The following ARHGAP24 variants were observed in gnomAD, a reference collection of about 807,000 sequenced individuals.
ARHGAP24 encodes the protein rho GTPase-activating protein 24.
In ARHGAP24, 50 loss-of-function variants were observed where a neutral mutation model predicts 76.4. The ratio of observed to expected loss-of-function variants is 0.65; its 90% CI spans 0.52 to 0.83. ARHGAP24 has a LOEUF of 0.83. Ranked by LOEUF, ARHGAP24 falls within the 40% of genes least tolerant of loss-of-function variation. The pLI is 0.00. For synonymous variants in ARHGAP24, 345 were observed against 323.3 expected, an observed-to-expected ratio of 1.07 and a Z score of -0.72; for missense variants, 930 against 914.2, an observed-to-expected ratio of 1.02 and a Z score of -0.22.
chr4:85,876,502 C>T (rs1732945591), intron 3 of ARHGAP24, among the ~76,000 whole-genome samples: 1 of 152,170 alleles, frequency 6.6e-6, no homozygotes, highest in South Asian at 2.1e-4. Flanking sequence ...TCTCTGCTCT[C>T]AATCCCTTTA....
At chr4:85,551,211 C>T (rs1009298427) in intron 1 of ARHGAP24, among the ~76,000 whole-genome samples, 2 of 152,094 alleles carry the variant, frequency 1.3e-5, no homozygotes, top group Non-Finnish European at 2.9e-5. Context: ...TGTTCAATGC[C>T]TAGTTTGTTG....
At chr4:85,744,747 T>C (rs983001757) in intron 3 of ARHGAP24, among the ~76,000 whole-genome samples, 1 of 152,242 alleles carries the variant, frequency 6.6e-6, no homozygotes, top group South Asian at 2.1e-4. Flanking sequence ...GAATCATCTT[T>C]CATATTGGTT....
chr4:85,493,570 G>A (rs78173808), intron 1 of ARHGAP24, among the ~76,000 whole-genome samples: 3,734 of 152,190 alleles, frequency 0.025, 65 homozygotes, highest in Middle Eastern at 0.051. Flanking sequence ...ACCATTGGAA[G>A]CCCTTTAAGT....
At position 85,643,233 on chromosome 4, in the gene ARHGAP24, T is replaced by TGTG. The variant is rs1560566246; in HGVS notation, c.180+72514_180+72515insGGT. Reference sequence around the variant, plus strand: ...TTCTTTTTTATTTTCCGTTTTTTTGTGTTTTTTTTTTTTTTTTTTTTTTTT... The same window carrying TGTG: ...TTCTTTTTTATTTTCCGTTTTTTTGTGTGGTTTTTTTTTTTTTTTTTTTTTTTT... On this transcript the variant is annotated intron_variant, in intron 2 of 9. Transcript: ENST00000395184. Among the ~76,000 whole-genome samples, 217 of 69,728 alleles carry TGTG rather than the reference T, an allele frequency of 3.1e-3. 9 individuals carry two copies. Among genetic ancestry groups the TGTG allele is most frequent in the African/African-American group, 0.013 (209 of 16,292 alleles). The allele number at this position is 69,728 out of a possible 152,430, so 45.7% of individuals were successfully genotyped here. A position where few individuals can be genotyped will look rare whatever the true frequency, so the allele number is the denominator to read the frequency against.
intron 3 of ARHGAP24, among the ~76,000 whole-genome samples, chr4:85,828,943 A>T (rs930369083): frequency 5.9e-5 from 9 of 152,182 alleles, no homozygotes; most frequent in Non-Finnish European, 1.3e-4. Flanking sequence ...GAAGAAAAAG[A>T]ATATCAGATT....
chr4:85,838,021 T>C (rs1299595648), intron 3 of ARHGAP24, among the ~76,000 whole-genome samples: 1 of 152,206 alleles, frequency 6.6e-6, no homozygotes, highest in Non-Finnish European at 1.5e-5. Context: ...ACATTCTTTA[T>C]TGGGTTCAAA....
At chr4:85,948,094 A>G (rs890322927) in intron 5 of ARHGAP24, among the ~76,000 whole-genome samples, 1 of 152,182 alleles carries the variant, frequency 6.6e-6, no homozygotes, top group Non-Finnish European at 1.5e-5. Context: ...CTTATTCTAT[A>G]CTTACTACAT....
chr4:85,494,614 G>A lies in ARHGAP24; in HGVS notation c.-21+19055G>A, dbSNP rs1481175485. ...GAGAACAGCTTGAACCCAGGAAGTG[G>A]AGGTTGCAGTGAGCCAAGATTGCAC... On this transcript the variant is annotated intron_variant, in intron 1 of 9. Transcript: ENST00000395184. Among the ~76,000 whole-genome samples, 4 of 151,474 alleles carry A rather than the reference G, an allele frequency of 2.6e-5. No homozygotes were observed. The South Asian group carries it at 8.4e-4, about 32-fold the overall frequency.
intron 3 of ARHGAP24, among the ~76,000 whole-genome samples, chr4:85,785,819 A>G (rs1727812342): frequency 6.6e-6 from 1 of 152,230 alleles, no homozygotes; most frequent in South Asian, 2.1e-4. Flanking sequence ...CAGGAATATT[A>G]TTTTGCTATA....
chr4:85,902,419 C>G (rs370542929), intron 3 of ARHGAP24, among the ~76,000 whole-genome samples: 13 of 152,230 alleles, frequency 8.5e-5, no homozygotes, highest in East Asian at 7.7e-4. Flanking sequence ...AGTGCCTTTA[C>G]ACTTCCCCAT....
At chr4:85,845,160 A>G (rs907245358) in intron 3 of ARHGAP24, among the ~76,000 whole-genome samples, 1 of 152,218 alleles carries the variant, frequency 6.6e-6, no homozygotes, top group Admixed American at 6.5e-5. Flanking sequence ...CTGGACAATA[A>G]AGGAAGGTAT....
At chr4:85,861,289 T>A (rs1017988606) in intron 3 of ARHGAP24, among the ~76,000 whole-genome samples, 1 of 152,162 alleles carries the variant, frequency 6.6e-6, no homozygotes, top group Non-Finnish European at 1.5e-5. Flanking sequence ...GATCACCCTC[T>A]TCCATTATAA....
At chr4:85,664,498 G>T (rs1300618200) in intron 2 of ARHGAP24, among the ~76,000 whole-genome samples, 1 of 150,290 alleles carries the variant, frequency 6.7e-6, no homozygotes, top group Non-Finnish European at 1.5e-5. Context: ...GGGTTTTTTT[G>T]TGTCTCTATT....
At chr4:85,622,342 C>A (rs371597612) in intron 2 of ARHGAP24, among the ~76,000 whole-genome samples, 1 of 143,190 alleles carries the variant, frequency 7.0e-6, no homozygotes, top group African/African-American at 2.6e-5. Flanking sequence ...TGAGAACATG[C>A]GGTGTTTGGT....
intron 3 of ARHGAP24, among the ~76,000 whole-genome samples, chr4:85,914,644 T>C (rs1208475049): frequency 6.6e-6 from 1 of 152,236 alleles, no homozygotes; most frequent in Non-Finnish European, 1.5e-5. Flanking sequence ...TTCTTGTTTT[T>C]AACTTTCATG....
chr4:85,486,347 A>G (rs1723050026), intron 1 of ARHGAP24, among the ~76,000 whole-genome samples: 1 of 152,126 alleles, frequency 6.6e-6, no homozygotes, highest in African/African-American at 2.4e-5. Context: ...CAAGATACCA[A>G]ATGTCCTGCA....
chr4:85,610,659 G>A (rs1003844161), intron 2 of ARHGAP24, among the ~76,000 whole-genome samples: 1 of 151,642 alleles, frequency 6.6e-6, no homozygotes, highest in African/African-American at 2.4e-5. Context: ...ACTGATTTCT[G>A]ACTTGTGGTG....
At chr4:85,505,571 T>G (rs1160346397) in intron 1 of ARHGAP24, among the ~76,000 whole-genome samples, 1 of 152,204 alleles carries the variant, frequency 6.6e-6, no homozygotes, top group African/African-American at 2.4e-5. Context: ...TTCAGCTCTG[T>G]CAGGTCATTT....
Position 85,902,460 on chromosome 4 carries a change from C to A in ARHGAP24, c.269-21188C>A, listed in dbSNP as rs540103663. On this transcript the variant is annotated intron_variant, in intron 3 of 9. Transcript: ENST00000395184. ...TGCAAATTGATACAACACCATAGTT[C>A]CCTGTCTCAAATAACCTTCCAGCTT... Among the ~76,000 whole-genome samples, 6 of 152,294 alleles carry A rather than the reference C, an allele frequency of 3.9e-5. No homozygotes were observed. In the East Asian group the frequency reaches 9.7e-4, roughly 25 times the overall value.
Sources: gnomAD v4.1 joint callset for allele counts (sites outside exome capture counted in the v4.1 genomes callset) on GRCh38, gnomAD v4.1.1 for gene constraint, MANE v1.5 for transcripts, NCBI Gene and HGNC (gene_info 2026-07-23, HGNC 2026-07-21) for gene names.